The following OSBPL9 variants were observed in gnomAD, a reference collection of about 807,000 sequenced individuals.
OSBPL9 encodes oxysterol binding protein like 9.
OSBPL9 carries 40 observed loss-of-function variants against 106.6 expected under a neutral mutation model. The ratio of observed to expected loss-of-function variants is 0.38; its 90% CI spans 0.29 to 0.49. OSBPL9 has a LOEUF of 0.49. OSBPL9 is among the 20% of genes least tolerant of loss of function. OSBPL9 has a pLI of 0.97. For synonymous variants in OSBPL9, 269 were observed against 295.4 expected (o/e 0.91, Z 0.92); for missense variants, 609 against 887.2 (o/e 0.69, Z 3.98).
chr1:51,685,996 G>C (rs898738970), intron 3 of OSBPL9, among the ~76,000 whole-genome samples: 27 of 151,970 alleles, frequency 1.8e-4, no homozygotes, highest in African/African-American at 6.5e-4. Context: ...GAGGAATCAG[G>C]GGATCAAATA....
intron 2 of OSBPL9, among the ~76,000 whole-genome samples, chr1:51,665,791 A>T (rs900017961): frequency 2.0e-5 from 3 of 152,128 alleles, no homozygotes; most frequent in Non-Finnish European, 4.4e-5. Context: ...TTCCATATAG[A>T]CTATCTAAAG....
chr1:51,730,268 CT>C lies in OSBPL9; in HGVS notation c.319-15261del, dbSNP rs566116650. 4.2e-4 allele frequency: 323 copies of C among 771,070 alleles called. 1 individual carries two copies. In the African/African-American group the frequency reaches 4.8e-3, roughly 11 times the overall value. 47.8% of individuals were successfully genotyped at this position (771,070 alleles called of 1,614,324 possible). A position where few individuals can be genotyped will look rare whatever the true frequency, so the allele number is the denominator to read the frequency against. On this transcript the variant is annotated intron_variant, in intron 4 of 23. Coordinates refer to ENST00000428468, the MANE Select transcript of OSBPL9 (RefSeq NM_024586.6). ...CCAAATGAGACTTTGGAGGAGGTCT[CT>C]TTTTTTCTATTCATTTTTGTGGAAC...
the OSBPL9 span, among the ~76,000 whole-genome samples, chr1:51,549,241 C>T: frequency 6.6e-6 from 1 of 152,216 alleles, no homozygotes; most frequent in East Asian, 1.9e-4. Flanking sequence ...ACATCCCCTT[C>T]TCCTTTGGGC....
intron 4 of OSBPL9, among the ~76,000 whole-genome samples, chr1:51,740,435 A>G (rs1666654948): frequency 6.6e-6 from 1 of 151,672 alleles, no homozygotes; most frequent in African/African-American, 2.4e-5. Flanking sequence ...CATGCCATTT[A>G]TTTTTCATTA....
At chr1:51,536,213 A>G in the OSBPL9 span, among the ~76,000 whole-genome samples, 4 of 152,242 alleles carry the variant, frequency 2.6e-5, no homozygotes, top group South Asian at 8.3e-4. Flanking sequence ...TGTCCTATAT[A>G]GCAGTATTTT....
upstream of OSBPL9, among the ~76,000 whole-genome samples, chr1:51,574,435 T>C (rs1645171634): frequency 6.6e-6 from 1 of 151,662 alleles, no homozygotes; most frequent in Admixed American, 6.6e-5. Flanking sequence ...CTGGCCAATA[T>C]GGTGAAACCC....
In OSBPL9 at chr1:51,582,088, A is replaced by G. The variant is rs192850462; in HGVS notation, c.-423+4832A>G. Among the ~76,000 whole-genome samples, 12 of 152,288 alleles carry G rather than the reference A, an allele frequency of 7.9e-5. No individual in the cohort carries two copies. The East Asian group carries it at 2.3e-3, about 29-fold the overall frequency. On this transcript the variant is annotated intron_variant, in intron 1 of 25. Coordinates refer to the OSBPL9 transcript ENST00000371714. ...AAGTAAATGTTTTAATTGGAGTATA[A>G]CATTTATTCAGATTTATTCAGATAA...
chr1:51,702,093 T>C (rs1159110508), intron 3 of OSBPL9, among the ~76,000 whole-genome samples: 1 of 152,246 alleles, frequency 6.6e-6, no homozygotes, highest in Admixed American at 6.5e-5. Context: ...TTGTGAATAG[T>C]GCCACAGTAA....
intron 1 of OSBPL9, among the ~76,000 whole-genome samples, chr1:51,635,190 G>T (rs1291281755): frequency 6.6e-6 from 1 of 152,100 alleles, no homozygotes; most frequent in African/African-American, 2.4e-5. Flanking sequence ...AGTGTGATGG[G>T]TCATACCTAT....
intron 12 of OSBPL9, among the ~76,000 whole-genome samples, chr1:51,767,801 T>G (rs1165846969): frequency 1.3e-5 from 2 of 152,036 alleles, no homozygotes; most frequent in Non-Finnish European, 2.9e-5. Context: ...AGAAATTTAA[T>G]TTTGGAAAAA....
At position 51,729,615 on chromosome 1, in the gene OSBPL9, G is replaced by T. The variant is rs1663841554; in HGVS notation, c.318+15536G>T. On this transcript the variant is annotated intron_variant, in intron 4 of 23. Coordinates refer to ENST00000428468, the MANE Select transcript of OSBPL9 (RefSeq NM_024586.6). This position sits in a 1 kb window ranked among gnomAD's most constrained non-coding sequence, Gnocchi z 5.1. Reference sequence around the variant, plus strand: ...GGGGCGCTCCGGACGCCCTCCCGCCGCTGCGCACCCCTCCCGCGAGCTGCC... The same window carrying T: ...GGGGCGCTCCGGACGCCCTCCCGCCTCTGCGCACCCCTCCCGCGAGCTGCC... 4 of 213,890 alleles carry T rather than the reference G, an allele frequency of 1.9e-5. No homozygotes were observed. The highest frequency in any genetic ancestry group is 3.6e-5 in the Non-Finnish European group (4 of 111,200). 13.2% of individuals were successfully genotyped at this position (213,890 alleles called of 1,614,324 possible). A position where few individuals can be genotyped will look rare whatever the true frequency, so the allele number is the denominator to read the frequency against.
the OSBPL9 span, among the ~76,000 whole-genome samples, chr1:51,523,458 CA>C: frequency 4.0e-5 from 6 of 151,314 alleles, no homozygotes; most frequent in Non-Finnish European, 8.9e-5. Flanking sequence ...AACAGCTCTA[CA>C]AGGGTTATTT....
At chr1:51,641,514 C>T (rs1177552178) in intron 1 of OSBPL9, among the ~76,000 whole-genome samples, 1 of 152,110 alleles carries the variant, frequency 6.6e-6, no homozygotes, top group Non-Finnish European at 1.5e-5. Flanking sequence ...TTAATTTTGG[C>T]AAGATAAGTT....
intron 1 of OSBPL9, among the ~76,000 whole-genome samples, chr1:51,590,337 G>T (rs1323915282): frequency 6.6e-6 from 1 of 151,578 alleles, no homozygotes; most frequent in African/African-American, 2.4e-5. Context: ...AAAAAATCAC[G>T]TGGCCGGGCG....
At chr1:51,734,555 ATCC>A (rs1433410204) in intron 4 of OSBPL9, among the ~76,000 whole-genome samples, 1 of 152,212 alleles carries the variant, frequency 6.6e-6, no homozygotes. Flanking sequence ...TTAGGAATTT[ATCC>A]TCCTGGTGAA....
chr1:51,636,104 G>A (rs1570692844), intron 1 of OSBPL9, among the ~76,000 whole-genome samples: 1 of 146,990 alleles, frequency 6.8e-6, no homozygotes, highest in East Asian at 2.0e-4. Context: ...GTGTGTGTGT[G>A]TGTATCCTTT....
chr1:51,760,503 C>T, intron 9 of OSBPL9, 187 bp from the exon 10 acceptor site: 2 of 700,348 alleles, frequency 2.9e-6, no homozygotes, highest in Middle Eastern at 4.4e-4. Context: ...ATTGTCTTTC[C>T]TTACTATGCT....
chr1:51,715,651 T>C (rs1222708489), intron 4 of OSBPL9, among the ~76,000 whole-genome samples: 2 of 152,134 alleles, frequency 1.3e-5, no homozygotes, highest in Non-Finnish European at 2.9e-5. Flanking sequence ...CGCCCCCCCA[T>C]TGTTGGTTAG....
intron 3 of OSBPL9, among the ~76,000 whole-genome samples, chr1:51,713,038 A>G (rs1431612466): frequency 2.0e-5 from 3 of 152,238 alleles, no homozygotes; most frequent in Admixed American, 1.3e-4. Flanking sequence ...TGGGGTCCCA[A>G]CTAGAACATG....
Sources: gnomAD v4.1 joint callset for allele counts (sites outside exome capture counted in the v4.1 genomes callset) on GRCh38, gnomAD v4.1.1 for gene constraint, Gnocchi (gnomAD v3.1) non-coding constraint, MANE v1.5 for transcripts, NCBI Gene and HGNC (gene_info 2026-07-23, HGNC 2026-07-21) for gene names.